EPHA6: variants seen among roughly 807,000 people sequenced by gnomAD.
EPHA6 encodes EPH receptor A6.
A neutral mutation model predicts 112.0 loss-of-function variants in EPHA6; 50 were observed. The observed-to-expected ratio is 0.45, with a 90% CI of 0.36 to 0.56. The LOEUF (loss-of-function observed/expected upper bound fraction) is 0.56, where lower values mean the gene tolerates loss of function less well. EPHA6 is among the 20% of genes least tolerant of loss of function. EPHA6 has a pLI of 0.00. For missense variants in EPHA6, 1,280 were observed against 1,417.4 expected (o/e 0.90, Z 1.56); for synonymous variants, 529 against 490.7 (o/e 1.08, Z -1.03).
chr3:97,399,785 T>G (rs1044875918), intron 5 of EPHA6, among the ~76,000 whole-genome samples: 1 of 151,630 alleles, frequency 6.6e-6, no homozygotes, highest in Non-Finnish European at 1.5e-5. Context: ...GGATTATTTG[T>G]TTTTTGTTGT....
At chr3:97,165,817 A>G (rs1047027463) in intron 3 of EPHA6, among the ~76,000 whole-genome samples, 3 of 152,154 alleles carry the variant, frequency 2.0e-5, no homozygotes, top group Admixed American at 2.0e-4. Context: ...GGAAGTTGAA[A>G]TGGTATTATA....
chr3:97,592,667 GT>G lies in EPHA6; in HGVS notation c.2447del (p.Leu816Ter). 3 of 1,613,482 alleles carry G rather than the reference GT, an allele frequency of 1.9e-6. No individual in the cohort carries two copies. Among genetic ancestry groups the G allele is most frequent in the Non-Finnish European group, 2.5e-6 (3 of 1,179,738 alleles). On this transcript the variant is annotated frameshift_variant, in exon 12 of 18. Transcript: ENST00000389672. LOFTEE classifies it high-confidence loss of function. ...TTTGCCCCAGCTTCCTGAGGGCAGG[GT>G]TTTTAAATAGCATCCAGGCCCCGCA... ...AFCPSFLRAG[F>X]LNSIQAPHPV...
At chr3:97,097,261 T>C (rs529645385) in intron 3 of EPHA6, among the ~76,000 whole-genome samples, 28 of 151,880 alleles carry the variant, frequency 1.8e-4, no homozygotes, top group African/African-American at 6.7e-4. Context: ...AAATATTTTT[T>C]AAGAAATGAC....
intron 11 of EPHA6, among the ~76,000 whole-genome samples, chr3:97,542,143 C>T (rs1206601231): frequency 6.6e-6 from 1 of 151,064 alleles, no homozygotes; most frequent in Admixed American, 6.6e-5. Flanking sequence ...GCACAATGTG[C>T]ACCTTTGTTA....
intron 5 of EPHA6, among the ~76,000 whole-genome samples, chr3:97,349,196 T>G (rs1278264442): frequency 6.6e-6 from 1 of 152,104 alleles, no homozygotes. Flanking sequence ...AATTTTAGTC[T>G]TATAAAGGTT....
At chr3:97,471,149 G>T (rs1017363794) in intron 7 of EPHA6, among the ~76,000 whole-genome samples, 1 of 151,644 alleles carries the variant, frequency 6.6e-6, no homozygotes, top group Non-Finnish European at 1.5e-5. Flanking sequence ...TTGCTTATTT[G>T]TTTCTTTAAG....
chr3:97,608,999 A>G (rs895804072), intron 12 of EPHA6, among the ~76,000 whole-genome samples: 9 of 151,418 alleles, frequency 5.9e-5, no homozygotes, highest in Non-Finnish European at 1.2e-4. Context: ...AAAAATAATT[A>G]TGGCATGTAG....
chr3:97,292,638 T>A (rs2080728542), intron 5 of EPHA6, among the ~76,000 whole-genome samples: 1 of 151,900 alleles, frequency 6.6e-6, no homozygotes, highest in Admixed American at 6.6e-5. Context: ...AGAGGAGACC[T>A]GTGGTGGGTA....
At chr3:96,963,160 CAA>C (rs376176100) in intron 2 of EPHA6, among the ~76,000 whole-genome samples, 49 of 85,586 alleles carry the variant, frequency 5.7e-4, no homozygotes, top group Admixed American at 7.6e-4. Context: ...AAACTGCATC[CAA>C]AAAAAAAAAA....
At chr3:96,925,228 T>TC (rs2039972421) in intron 2 of EPHA6, among the ~76,000 whole-genome samples, 1 of 152,162 alleles carries the variant, frequency 6.6e-6, no homozygotes, top group South Asian at 2.1e-4. Context: ...ATGTTACAGC[T>TC]CTTTTTTGTG....
At position 97,433,738 on chromosome 3, in the gene EPHA6, C is replaced by T. The variant is rs116303325; in HGVS notation, c.1732-14830C>T. ...CTCCTTGAACCAGGCTAGGGCAGAA[C>T]ACTTAGTAAAAGTGGGCCCTGGGTG... On this transcript the variant is annotated intron_variant, in intron 6 of 17. Transcript: ENST00000389672. Among the ~76,000 whole-genome samples the T allele has an allele frequency of 8.2e-3, 1,243 of 152,084 alleles. 19 individuals carry two copies. The highest frequency in any genetic ancestry group is 0.028 in the African/African-American group (1,160 of 41,418).
intron 3 of EPHA6, among the ~76,000 whole-genome samples, chr3:97,095,776 A>C (rs1246160637): frequency 6.6e-6 from 1 of 151,970 alleles, no homozygotes; most frequent in East Asian, 1.9e-4. Flanking sequence ...TAAAAAAAAA[A>C]ACAAGCAAAC....
intron 15 of EPHA6, among the ~76,000 whole-genome samples, chr3:97,727,450 G>T (rs1300654647): frequency 6.6e-6 from 1 of 151,940 alleles, no homozygotes; most frequent in Non-Finnish European, 1.5e-5. Flanking sequence ...TCTCAGTTAT[G>T]GGTCAGTCTT....
chr3:97,564,241 AC>A (rs2107180167), intron 11 of EPHA6, among the ~76,000 whole-genome samples: 2 of 152,274 alleles, frequency 1.3e-5, no homozygotes, highest in South Asian at 4.1e-4. Context: ...AATAATTCTC[AC>A]AAGCACAAAT....
chr3:96,909,683 T>C lies in EPHA6; in HGVS notation c.450+42794T>C, dbSNP rs149489349. Among the ~76,000 whole-genome samples the C allele has an allele frequency of 1.3e-3, 198 of 152,138 alleles. 2 individuals are homozygous for C. The South Asian group carries it at 0.016, about 12-fold the overall frequency. The stretch of plus-strand genomic sequence containing the variant: ...AAGATATTCAAAATAGTACATCTTA[T>C]GAGGAACCCTTATAGTGCCTTAAGG... On this transcript the variant is annotated intron_variant, in intron 2 of 17. Transcript: ENST00000389672.
At chr3:96,820,707 T>G (rs2033185750) in intron 1 of EPHA6, among the ~76,000 whole-genome samples, 1 of 152,070 alleles carries the variant, frequency 6.6e-6, no homozygotes, top group Admixed American at 6.6e-5. Flanking sequence ...ATAGAACAGT[T>G]TTGTTATTTC....
At chr3:96,978,809 G>A (rs561036155) in intron 2 of EPHA6, among the ~76,000 whole-genome samples, 1 of 151,964 alleles carries the variant, frequency 6.6e-6, no homozygotes, top group African/African-American at 2.4e-5. Context: ...GGTTTATATC[G>A]GTTCTGATTA....
intron 3 of EPHA6, among the ~76,000 whole-genome samples, chr3:97,075,332 C>A (rs1176712281): frequency 6.6e-6 from 1 of 151,916 alleles, no homozygotes; most frequent in Non-Finnish European, 1.5e-5. Flanking sequence ...CTAGATGTCG[C>A]ATGTTCCAGA....
rs758996621 is a variant in EPHA6 at position 97,747,444 on chromosome 3, A to C, written c.3150A>C (p.Glu1050Asp). ...DILVMPESPG[E>D]VPEYPLFVTV... ...ACAGAATGCCAGAGTCCCCTGGTGA[A>C]GTTCCGGAATATCCTTTGTTTGTCA... The change falls in exon 17 of 18, where the codon GAA becomes GAC. Residue 1050 changes from glutamate to aspartate, a missense_variant. Physicochemically the swap from Glu to Asp is conservative, Grantham distance 45. Around this residue, in one of 4 missense-constraint regions of EPHA6, gnomAD observed 145 missense variants for 153.3 expected, o/e 0.95. Coordinates refer to ENST00000389672, the MANE Select transcript of EPHA6 (RefSeq NM_001080448.3). 5 of 1,575,468 alleles carry C rather than the reference A, an allele frequency of 3.2e-6. No individual in the cohort carries two copies. The highest frequency in any genetic ancestry group is 4.3e-6 in the Non-Finnish European group (5 of 1,159,998).
Sources: gnomAD v4.1 joint callset for allele counts (sites outside exome capture counted in the v4.1 genomes callset) on GRCh38, gnomAD v4.1.1 for gene constraint, gnomAD v4.1.1 regional missense constraint, MANE v1.5 for transcripts, NCBI Gene and HGNC (gene_info 2026-07-23, HGNC 2026-07-21) for gene names.